GSG1L: variants seen among roughly 807,000 people sequenced by gnomAD.
GSG1L encodes the protein germ cell-specific gene 1-like protein.
Under a neutral mutation model 42.1 loss-of-function variants are expected in GSG1L, and 24 were observed. The ratio of observed to expected loss-of-function variants is 0.57; its 90% CI spans 0.41 to 0.80. GSG1L has a LOEUF of 0.80. GSG1L is among the 30% of genes least tolerant of loss of function. The pLI, the probability that GSG1L is intolerant of heterozygous loss-of-function variation, is 0.00. For synonymous variants in GSG1L, 215 were observed against 203.5 expected (o/e 1.06, Z -0.48); for missense variants, 445 against 472.2 (o/e 0.94, Z 0.53).
At chr16:27,912,799 T>C (rs960919427) in intron 2 of GSG1L, among the ~76,000 whole-genome samples, 2 of 152,100 alleles carry the variant, frequency 1.3e-5, no homozygotes, top group African/African-American at 4.8e-5. Flanking sequence ...GGTTCAACAA[T>C]GTTCATAATG....
intron 2 of GSG1L, among the ~76,000 whole-genome samples, chr16:27,937,702 G>A (rs2084734625): frequency 6.6e-6 from 1 of 152,130 alleles, no homozygotes. Flanking sequence ...GGCTGGTGGG[G>A]GTTTTAGAAA....
chr16:27,843,859 C>T lies in GSG1L; in HGVS notation c.662+1091G>A, dbSNP rs2083414433. On this transcript the variant is annotated intron_variant, in intron 4 of 6. Transcript: ENST00000447459. ...AATGAATAAGGAGAGAGAATATGACCTAAGCCCACCAGAGGGAAGCTTGGG... is the reference window on the plus strand; with the variant it reads ...AATGAATAAGGAGAGAGAATATGACTTAAGCCCACCAGAGGGAAGCTTGGG... Among the ~76,000 whole-genome samples, 4 of 152,320 alleles carry T rather than the reference C, an allele frequency of 2.6e-5. No homozygotes were observed. In the South Asian group the frequency reaches 8.3e-4, roughly 32 times the overall value.
rs1291841475 is a variant in GSG1L at position 27,946,571 on chromosome 16, AAGAAAGAAAGAGAGAGAGAGAG to A, written c.397+16563_397+16584del. Among the ~76,000 whole-genome samples, 85 of 37,936 alleles carry A rather than the reference AAGAAAGAAAGAGAGAGAGAGAG, an allele frequency of 2.2e-3. 1 individual carries two copies. Among genetic ancestry groups the A allele is most frequent in the Middle Eastern group, 8.6e-3 (1 of 116 alleles). 24.9% of individuals were successfully genotyped at this position (37,936 alleles called of 152,430 possible). On this transcript the variant is annotated intron_variant, in intron 2 of 6. Transcript: ENST00000447459. Reference sequence around the variant, plus strand: ...AAAAAAAGAAAGAAAGAAAGAAAGAAAGAAAGAAAGAGAGAGAGAGAGAGAGAGAGAGAGAGAGAGAGAGAGA... The same window carrying A: ...AAAAAAAGAAAGAAAGAAAGAAAGAAAGAGAGAGAGAGAGAGAGAGAGAGA...
intron 2 of GSG1L, among the ~76,000 whole-genome samples, chr16:27,961,746 G>A (rs2085075012): frequency 2.6e-5 from 4 of 152,216 alleles, no homozygotes. Context: ...TTTGGAGATG[G>A]TCACATGTAG....
intron 2 of GSG1L, among the ~76,000 whole-genome samples, chr16:27,898,402 C>A (rs2084216515): frequency 6.8e-6 from 1 of 146,594 alleles, no homozygotes; most frequent in African/African-American, 2.5e-5. Context: ...CTCTCCAGGT[C>A]TCCTTTTTCC....
In GSG1L at chr16:28,044,909, G is replaced by A. The variant is rs191919805; in HGVS notation, c.349+18167C>T. 1.5e-3 allele frequency among the ~76,000 whole-genome samples: 235 copies of A among 152,300 alleles called. 1 individual carries two copies. The highest frequency in any genetic ancestry group is 4.8e-3 in the African/African-American group (198 of 41,560). On this transcript the variant is annotated intron_variant, in intron 1 of 6. Transcript: ENST00000447459. ...CAAAGTGCCAGGATTACAGGCGTGAGCTACCGCGTCCGGCCATGAATGCAC... is the reference window on the plus strand; with the variant it reads ...CAAAGTGCCAGGATTACAGGCGTGAACTACCGCGTCCGGCCATGAATGCAC...
chr16:28,022,330 T>C (rs1336265171), intron 1 of GSG1L, among the ~76,000 whole-genome samples: 1 of 152,178 alleles, frequency 6.6e-6, no homozygotes, highest in Non-Finnish European at 1.5e-5. Flanking sequence ...TGCATACATG[T>C]TTTTGTTTTT....
At chr16:27,947,569 GAAAGAAAGAAAGAAAGA>G (rs1567530846) in intron 2 of GSG1L, among the ~76,000 whole-genome samples, 2 of 93,980 alleles carry the variant, frequency 2.1e-5, no homozygotes, top group Non-Finnish European at 5.3e-5. Flanking sequence ...AAGAAAGAAA[GAAAGAAAGAAAGAAAGA>G]AAGAAAGAAA....
intron 5 of GSG1L, among the ~76,000 whole-genome samples, chr16:27,810,559 CTG>C (rs754024057): frequency 5.3e-5 from 8 of 152,236 alleles, no homozygotes; most frequent in Non-Finnish European, 7.3e-5. Context: ...GGAACATACT[CTG>C]AACTTTTTCT....
intron 1 of GSG1L, among the ~76,000 whole-genome samples, chr16:28,037,720 C>T (rs888511784): frequency 2.0e-5 from 3 of 152,220 alleles, no homozygotes; most frequent in Non-Finnish European, 4.4e-5. Flanking sequence ...CCTTATTCTT[C>T]TATCAAATTG....
At chr16:27,934,987 T>G (rs1158150132) in intron 2 of GSG1L, among the ~76,000 whole-genome samples, 1 of 152,046 alleles carries the variant, frequency 6.6e-6, no homozygotes, top group Non-Finnish European at 1.5e-5. Flanking sequence ...CAAGGTCTTG[T>G]GAAGAGAACA....
intron 3 of GSG1L, among the ~76,000 whole-genome samples, chr16:27,879,629 A>C (rs2083927844): frequency 6.6e-6 from 1 of 151,906 alleles, no homozygotes; most frequent in Non-Finnish European, 1.5e-5. Flanking sequence ...AATAATAATA[A>C]ATTTTTTAAC....
chr16:28,063,065 C>A lies in GSG1L; in HGVS notation c.349+11G>T. On this transcript the variant is annotated intron_variant, in intron 1 of 6. Coordinates refer to ENST00000447459, the MANE Select transcript of GSG1L (RefSeq NM_001109763.2). The surrounding 1 kb of genome is among the most constrained non-coding windows in gnomAD (Gnocchi z 5.8). ...CCGGAGCCGAGCTGGCCGCCGCCCG[C>A]GCGCACTCACCAAGCCCGCTGAGCT... is the stretch of plus-strand genomic sequence containing the variant. 1.4e-6 allele frequency: 2 copies of A among 1,407,600 alleles called. No homozygotes were observed. The highest frequency in any genetic ancestry group is 2.7e-5 in the Admixed American group (1 of 37,682). 87.2% of individuals were successfully genotyped at this position (1,407,600 alleles called of 1,614,324 possible).
At position 27,818,364 on chromosome 16, in the gene GSG1L, C is replaced by T. The variant is rs370835676; in HGVS notation, c.830+10425G>A. ...TTCAAGGACCATCTTGTGTTTTCAC[C>T]TCCCCGTGTATGGGTGCTGGCTGAC... On this transcript the variant is annotated intron_variant, in intron 5 of 6. Coordinates refer to ENST00000447459, the MANE Select transcript of GSG1L (RefSeq NM_001109763.2). Among the ~76,000 whole-genome samples the T allele has an allele frequency of 3.3e-5, 5 of 152,182 alleles. No individual in the cohort carries two copies. The East Asian group carries it at 9.7e-4, about 29-fold the overall frequency.
At chr16:27,849,926 C>T (rs893821272) in intron 3 of GSG1L, among the ~76,000 whole-genome samples, 5 of 149,320 alleles carry the variant, frequency 3.3e-5, no homozygotes, top group Admixed American at 6.7e-5. Context: ...TGGGTTTCAG[C>T]GTCTGGGCAG....
At chr16:27,986,860 G>A (rs1267781048) in intron 1 of GSG1L, among the ~76,000 whole-genome samples, 7 of 152,318 alleles carry the variant, frequency 4.6e-5, no homozygotes, top group South Asian at 2.1e-4. Context: ...AATGGGCTCC[G>A]CCCTGAACTC....
rs148727972 is a variant in GSG1L, at chr16:27,947,519, G to T, written c.397+15637C>A. ...AAAGAGAAAGAAAGAAGGAAAGAAA[G>T]AAAAAGAAAGAAAGAATGAAGGAAA... On this transcript the variant is annotated intron_variant, in intron 2 of 6. Coordinates refer to ENST00000447459, the MANE Select transcript of GSG1L (RefSeq NM_001109763.2). 4.5e-3 allele frequency among the ~76,000 whole-genome samples: 583 copies of T among 128,734 alleles called. 9 individuals carry two copies. Among genetic ancestry groups the T allele is most frequent in the Admixed American group, 0.036 (422 of 11,778 alleles). The allele number at this position is 128,734 out of a possible 152,430, so 84.5% of individuals were successfully genotyped here.
chr16:27,820,728 G>A (rs937642550), intron 5 of GSG1L, among the ~76,000 whole-genome samples: 1 of 152,122 alleles, frequency 6.6e-6, no homozygotes, highest in Non-Finnish European at 1.5e-5. Flanking sequence ...CTGGCATCAA[G>A]GAAGGGGGCT....
At chr16:27,836,894 C>T (rs1257643209) in intron 4 of GSG1L, among the ~76,000 whole-genome samples, 2 of 152,086 alleles carry the variant, frequency 1.3e-5, no homozygotes, top group African/African-American at 4.8e-5. Flanking sequence ...TTAATTGCAA[C>T]CTTGACATTT....
Sources: allele counts gnomAD v4.1 joint callset (sites outside exome capture counted in the v4.1 genomes callset), GRCh38; gene constraint gnomAD v4.1.1; non-coding constraint Gnocchi (gnomAD v3.1); transcripts MANE v1.5; gene names NCBI Gene and HGNC (gene_info 2026-07-23, HGNC 2026-07-21).